Variants in TMEM53 observed in about 807,000 individuals in gnomAD.
The protein encoded by TMEM53 is novel DUF829 domain-containing protein.
A neutral mutation model predicts 21.4 loss-of-function variants in TMEM53; 14 were observed. The observed-to-expected ratio is 0.65, with a 90% CI of 0.43 to 1.02. The LOEUF is 1.02. Among genes scored for constraint, TMEM53 ranks in the 50% least tolerant of loss-of-function variants. The probability of loss-of-function intolerance (pLI) is 0.00; values close to 1 mark genes in which losing one functional copy is unlikely to be tolerated. For synonymous variants in TMEM53, 148 were observed against 157.4 expected (o/e 0.94, Z 0.45); for missense variants, 323 against 383.6 (o/e 0.84, Z 1.32).
chr1:44,663,520 G>A (rs1557494715), intron 1 of TMEM53, among the ~76,000 whole-genome samples: 2 of 152,224 alleles, frequency 1.3e-5, no homozygotes, highest in South Asian at 4.1e-4. Context: ...GATTACAGGC[G>A]TGAGCCACCG....
At chr1:44,659,717 G>A (rs1644881949) in intron 2 of TMEM53, among the ~76,000 whole-genome samples, 1 of 152,176 alleles carries the variant, frequency 6.6e-6, no homozygotes, top group African/African-American at 2.4e-5. Flanking sequence ...TCAAGGGTGG[G>A]CTGCCCATTG....
chr1:44,657,559 A>G (rs1458807603), intron 2 of TMEM53, among the ~76,000 whole-genome samples: 1 of 152,148 alleles, frequency 6.6e-6, no homozygotes, highest in Non-Finnish European at 1.5e-5. Flanking sequence ...TTTGTTTGAG[A>G]CAGGGTCTCA....
chr1:44,674,459 C>T lies in TMEM53; in HGVS notation c.-68G>A. ...CCCGCTTGCGCACCCGTGCCTCACC[C>T]GGGCGCCTCCTGGGCGCCGCCCAAT... On this transcript the variant is annotated 5_prime_UTR_variant, in exon 1 of 3. Transcript: ENST00000372237. The T allele has an allele frequency of 2.6e-6, 4 of 1,519,908 alleles. No homozygotes were observed. In the South Asian group the frequency reaches 3.7e-5, roughly 14 times the overall value. 94.2% of individuals were successfully genotyped at this position (1,519,908 alleles called of 1,614,324 possible). A position where few individuals can be genotyped will look rare whatever the true frequency, so the allele number is the denominator to read the frequency against.
Position 44,654,778 on chromosome 1 carries a change from G to T in TMEM53, c.615C>A (p.Asp205Glu), listed in dbSNP as rs199605035. 5 of 1,613,896 alleles carry T rather than the reference G, an allele frequency of 3.1e-6. No individual in the cohort carries two copies. In the South Asian group the frequency reaches 5.5e-5, roughly 18 times the overall value. The change falls in exon 3 of 3, where the codon GAC (aspartate) becomes GAA (glutamate). Residue 205 changes from aspartate (D) to glutamate (E), a missense_variant. Physicochemically the swap from Asp to Glu is conservative, Grantham distance 45 (BLOSUM62 2). This residue lies in a region of TMEM53 where 269 missense variants were observed against 334.5 expected (regional missense o/e 0.80). Coordinates refer to ENST00000372237, the MANE Select transcript of TMEM53 (RefSeq NM_024587.4). This position sits in a 1 kb window ranked among gnomAD's most constrained non-coding sequence, Gnocchi z 7.0. ...AGAGCTCGGGCCAGCGAGAGCCCGC[G>T]TCCTGTAGCCTGTCATAGAAGTGGG... ...FHTHFYDRLQ[D>E]AGSRWPELYL...
At chr1:44,673,021 G>A (rs1025193941) in intron 1 of TMEM53, among the ~76,000 whole-genome samples, 10 of 152,220 alleles carry the variant, frequency 6.6e-5, no homozygotes, top group African/African-American at 2.4e-4. Flanking sequence ...CCACGAGGCT[G>A]CCCTCCTGGC....
In TMEM53 at chr1:44,655,317, G is replaced by C. The variant is rs1210546752; in HGVS notation, c.184-108C>G. ...CAGCCTGTAGGACATAGGCCATGGGGCCCACAGCGTCAGCAATGCTCTGGG... is the reference window on the plus strand; with the variant it reads ...CAGCCTGTAGGACATAGGCCATGGGCCCCACAGCGTCAGCAATGCTCTGGG... On this transcript the variant is annotated intron_variant, in intron 2 of 2. Transcript: ENST00000372237. The surrounding 1 kb of genome is among the most constrained non-coding windows in gnomAD (Gnocchi z 4.4). 4.4e-6 allele frequency: 5 copies of C among 1,126,944 alleles called. No homozygotes were observed. In the Admixed American group the frequency reaches 1.1e-4, roughly 25 times the overall value. The allele number at this position is 1,126,944 out of a possible 1,614,324, so 69.8% of individuals were successfully genotyped here. A position where few individuals can be genotyped will look rare whatever the true frequency, so the allele number is the denominator to read the frequency against.
chr1:44,666,421 GC>G (rs1445572546), intron 1 of TMEM53, among the ~76,000 whole-genome samples: 2 of 152,206 alleles, frequency 1.3e-5, no homozygotes, highest in African/African-American at 2.4e-5. Context: ...ATGAAAACTT[GC>G]CCATGAATGT....
At chr1:44,667,626 A>G (rs542858781) in intron 1 of TMEM53, among the ~76,000 whole-genome samples, 2 of 152,262 alleles carry the variant, frequency 1.3e-5, no homozygotes, top group South Asian at 4.1e-4. Context: ...TTTTTAATGC[A>G]TAGAAAAAAA....
At chr1:44,664,919 CGT>C (rs1644934727) in intron 1 of TMEM53, among the ~76,000 whole-genome samples, 1 of 152,168 alleles carries the variant, frequency 6.6e-6, no homozygotes, top group Non-Finnish European at 1.5e-5. Flanking sequence ...TCCGGACCAG[CGT>C]GCTCTACCGC....
chr1:44,674,388 C>T lies in TMEM53; in HGVS notation c.4G>A (p.Ala2Thr). 6.2e-7 allele frequency: 1 copy of T among 1,611,426 alleles called. No individual in the cohort carries two copies. The highest frequency in any genetic ancestry group is 8.5e-7 in the Non-Finnish European group (1 of 1,178,642). Reference protein sequence around the residue: MASAELDYTIEI... With the variant: MTSAELDYTIEI... ...ATGGTGTAGTCCAGCTCTGCCGAGG[C>T]CATGGTGAAGGCGCCGGCCCAGAGC... Residue 2 changes from alanine (A) to threonine (T), a missense_variant, in exon 1 of 3, where the codon GCC becomes ACC. Coordinates refer to ENST00000372237, the MANE Select transcript of TMEM53 (RefSeq NM_024587.4).
chr1:44,667,498 G>A (rs76075352), intron 1 of TMEM53, among the ~76,000 whole-genome samples: 4 of 151,736 alleles, frequency 2.6e-5, no homozygotes, highest in African/African-American at 9.7e-5. Context: ...AGTAGAAACG[G>A]GGTTTCACCA....
chr1:44,670,651 A>C (rs915659024), intron 1 of TMEM53, among the ~76,000 whole-genome samples: 1 of 152,152 alleles, frequency 6.6e-6, no homozygotes, highest in Admixed American at 6.5e-5. Flanking sequence ...AATGATGTCT[A>C]TATTTCTTTG....
At chr1:44,656,555 C>T (rs1644850761) in intron 2 of TMEM53, among the ~76,000 whole-genome samples, 1 of 152,174 alleles carries the variant, frequency 6.6e-6, no homozygotes, top group African/African-American at 2.4e-5. Flanking sequence ...TCAAATCTGA[C>T]AGAGGCCTTT....
intron 2 of TMEM53, among the ~76,000 whole-genome samples, chr1:44,657,034 C>A (rs1401048981): frequency 2.7e-5 from 4 of 149,732 alleles, no homozygotes; most frequent in Admixed American, 2.7e-4. Context: ...AGAACAACAA[C>A]AAAAAAAATA....
chr1:44,663,358 A>C (rs772500777), intron 1 of TMEM53, among the ~76,000 whole-genome samples: 1 of 152,316 alleles, frequency 6.6e-6, no homozygotes, highest in African/African-American at 2.4e-5. Context: ...CCCCTGCCTC[A>C]GCCTCCTGAG....
rs752268483 is a variant in TMEM53 at position 44,655,110 on chromosome 1, C to G, written c.283G>C (p.Glu95Gln). 2.5e-6 allele frequency: 4 copies of G among 1,614,056 alleles called. No homozygotes were observed. In the African/African-American group the frequency reaches 4.0e-5, roughly 16 times the overall value. The change falls in exon 3 of 3, where the codon GAG (glutamate) becomes CAG (glutamine). Residue 95 changes from glutamate (E) to glutamine (Q), a missense_variant. Physicochemically the swap from Glu to Gln is conservative, Grantham distance 29. Around this residue, in one of 3 missense-constraint regions of TMEM53, gnomAD observed 269 missense variants for 334.5 expected, o/e 0.80. Transcript: ENST00000372237. This position sits in a 1 kb window ranked among gnomAD's most constrained non-coding sequence, Gnocchi z 4.4. ...SLRVLAQKLL[E>Q]LLFDYEIEKE... Reference sequence around the variant, plus strand: ...TCAATCTCATAATCAAAGAGCAGCTCGAGCAGCTTCTGGGCCAAAACACGA... The same window carrying G: ...TCAATCTCATAATCAAAGAGCAGCTGGAGCAGCTTCTGGGCCAAAACACGA...
At chr1:44,660,764 C>T (rs917308487) in intron 1 of TMEM53, among the ~76,000 whole-genome samples, 4 of 151,050 alleles carry the variant, frequency 2.6e-5, no homozygotes, top group East Asian at 1.9e-4. Flanking sequence ...GCGGACGGAT[C>T]GTGAGGTCAG....
Position 44,666,430 on chromosome 1 carries a change from T to C in TMEM53, c.62-6135A>G, listed in dbSNP as rs1408079014. ...ATCCACATGAAAACTTGCCCATGAA[T>C]GTTCATTGCAGTCATAATAACCAAA... On this transcript the variant is annotated intron_variant, in intron 1 of 2. Transcript: ENST00000372237. 2.0e-5 allele frequency among the ~76,000 whole-genome samples: 3 copies of C among 152,216 alleles called. No individual in the cohort carries two copies. In the East Asian group the frequency reaches 5.8e-4, roughly 29 times the overall value.
Position 44,653,732 on chromosome 1 carries a change from C to A in TMEM53, c.*827G>T, listed in dbSNP as rs1644821388. ...CGCCCTGCTGGAGCAAAGATCATAGCCCCTATCCGCAGCCTGACGCTACCC... is the reference window on the plus strand; with the variant it reads ...CGCCCTGCTGGAGCAAAGATCATAGACCCTATCCGCAGCCTGACGCTACCC... On this transcript the variant is annotated 3_prime_UTR_variant, in exon 3 of 3. Coordinates refer to ENST00000372237, the MANE Select transcript of TMEM53 (RefSeq NM_024587.4). 1 of 152,354 alleles carries A rather than the reference C, an allele frequency of 6.6e-6. No homozygotes were observed. Among genetic ancestry groups the A allele is most frequent in the Non-Finnish European group, 1.5e-5 (1 of 68,056 alleles). 9.4% of individuals were successfully genotyped at this position (152,354 alleles called of 1,614,324 possible).
Sources: gnomAD v4.1 joint callset for allele counts (sites outside exome capture counted in the v4.1 genomes callset) on GRCh38, gnomAD v4.1.1 for gene constraint, gnomAD v4.1.1 regional missense constraint, Gnocchi (gnomAD v3.1) non-coding constraint, MANE v1.5 for transcripts, NCBI Gene and HGNC (gene_info 2026-07-23, HGNC 2026-07-21) for gene names.